RBMS1: variants seen among roughly 807,000 people sequenced by gnomAD.
RBMS1 encodes the protein RNA-binding motif, single-stranded-interacting protein 1.
In RBMS1, 17 loss-of-function variants were observed where a neutral mutation model predicts 62.3. The observed-to-expected ratio is 0.27, with a 90% CI of 0.19 to 0.41. RBMS1 has a LOEUF of 0.41. Among genes scored for constraint, RBMS1 ranks in the 10% least tolerant of loss-of-function variants. RBMS1 has a pLI of 1.00. For missense variants in RBMS1, 334 were observed against 504.5 expected (o/e 0.66, Z 3.24); for synonymous variants, 172 against 170.0 (o/e 1.01, Z -0.09).
chr2:160,439,400 C>T (rs1406323762), intron 1 of RBMS1, among the ~76,000 whole-genome samples: 3 of 150,930 alleles, frequency 2.0e-5, no homozygotes, highest in Admixed American at 2.0e-4. Context: ...GCAGAGACGC[C>T]CCTCACATCC....
intron 2 of RBMS1, among the ~76,000 whole-genome samples, chr2:160,361,279 C>T (rs940988289): frequency 6.6e-6 from 1 of 152,178 alleles, no homozygotes; most frequent in African/African-American, 2.4e-5. Flanking sequence ...CCGGCCTTGG[C>T]CAACAGAGAC....
intron 1 of RBMS1, chr2:160,407,690 C>G (rs1267238300): frequency 2.0e-6 from 2 of 981,830 alleles, no homozygotes; most frequent in African/African-American, 3.5e-5. Flanking sequence ...GGGGCTGCAG[C>G]TCCGCGCTGA....
chr2:160,309,852 A>G (rs974258763), intron 4 of RBMS1, among the ~76,000 whole-genome samples: 1 of 152,208 alleles, frequency 6.6e-6, no homozygotes, highest in Non-Finnish European at 1.5e-5. Context: ...GGAAATAGGA[A>G]AGAAATGAAT....
At chr2:160,327,775 C>T (rs572286428) in intron 2 of RBMS1, among the ~76,000 whole-genome samples, 1 of 152,090 alleles carries the variant, frequency 6.6e-6, no homozygotes, top group Admixed American at 6.6e-5. Context: ...CAGAATTTTG[C>T]AAGTAAAATG....
At chr2:160,428,679 T>C (rs1376513518) in intron 1 of RBMS1, among the ~76,000 whole-genome samples, 2 of 152,182 alleles carry the variant, frequency 1.3e-5, no homozygotes, top group African/African-American at 4.8e-5. Context: ...GAATGTCTTT[T>C]AGCATCACAG....
intron 10 of RBMS1, chr2:160,279,537 T>C (rs892739748): frequency 6.6e-6 from 1 of 152,208 alleles, no homozygotes; most frequent in Admixed American, 6.5e-5. Flanking sequence ...TCTAACCATT[T>C]ACCTAGCTTG....
chr2:160,301,942 T>C (rs546085435), intron 5 of RBMS1, among the ~76,000 whole-genome samples: 88 of 152,342 alleles, frequency 5.8e-4, no homozygotes, highest in African/African-American at 2.0e-3. Context: ...AAAATCAAAG[T>C]CATTACTTTA....
intron 12 of RBMS1, among the ~76,000 whole-genome samples, chr2:160,276,857 G>C (rs548317243): frequency 6.6e-6 from 1 of 152,228 alleles, no homozygotes; most frequent in South Asian, 2.1e-4. Flanking sequence ...ACGTCCGAGG[G>C]GTATGAAAGG....
At chr2:160,339,421 T>C (rs1691746515) in intron 2 of RBMS1, among the ~76,000 whole-genome samples, 1 of 152,192 alleles carries the variant, frequency 6.6e-6, no homozygotes, top group South Asian at 2.1e-4. Context: ...TTACTCGTTT[T>C]TCCTGTGTTT....
intron 1 of RBMS1, chr2:160,407,773 G>A (rs1220112728): frequency 1.9e-5 from 19 of 981,190 alleles, no homozygotes; most frequent in Non-Finnish European, 2.3e-5. Context: ...CGAGCAGCTC[G>A]GGCAGCCGCC....
chr2:160,317,353 A>G (rs568640482), intron 3 of RBMS1, among the ~76,000 whole-genome samples: 17 of 152,252 alleles, frequency 1.1e-4, no homozygotes, highest in South Asian at 1.0e-3. Flanking sequence ...TTCTCTGCCT[A>G]TTCCTGTCAA....
intron 1 of RBMS1, among the ~76,000 whole-genome samples, chr2:160,447,450 T>C (rs911150076): frequency 6.6e-6 from 1 of 152,254 alleles, no homozygotes; most frequent in Non-Finnish European, 1.5e-5. Flanking sequence ...CGTGAAAGTC[T>C]ATGCTTACTG....
chr2:160,468,231 C>G (rs1684772810), intron 1 of RBMS1, among the ~76,000 whole-genome samples: 1 of 152,172 alleles, frequency 6.6e-6, no homozygotes, highest in African/African-American at 2.4e-5. Context: ...GTCTGGGTCA[C>G]TCAACAAATA....
intron 2 of RBMS1, among the ~76,000 whole-genome samples, chr2:160,324,324 G>A (rs886597271): frequency 6.6e-6 from 1 of 152,146 alleles, no homozygotes; most frequent in African/African-American, 2.4e-5. Context: ...AAGAGTCCAG[G>A]TTATAAGCCA....
Position 160,393,514 on chromosome 2 carries a change from A to G in RBMS1, c.76-26123T>C, listed in dbSNP as rs573350703. On this transcript the variant is annotated intron_variant, in intron 1 of 13. Coordinates refer to ENST00000348849, the MANE Select transcript of RBMS1 (RefSeq NM_016836.4). ...CCAAGCTGGCCGGGCGCGGTGGCTCACACCTGTAATCCTAGCAACTTTGGG... is the reference window on the plus strand; with the variant it reads ...CCAAGCTGGCCGGGCGCGGTGGCTCGCACCTGTAATCCTAGCAACTTTGGG... Among the ~76,000 whole-genome samples the G allele has an allele frequency of 2.6e-5, 4 of 152,310 alleles. No homozygotes were observed. The South Asian group carries it at 8.3e-4, about 32-fold the overall frequency.
chr2:160,327,305 C>T (rs1573867541), intron 2 of RBMS1, among the ~76,000 whole-genome samples: 1 of 152,130 alleles, frequency 6.6e-6, no homozygotes, highest in Non-Finnish European at 1.5e-5. Context: ...TACCAACATG[C>T]CTGGGTGAAT....
chr2:160,342,741 A>C (rs1212487940), intron 2 of RBMS1, among the ~76,000 whole-genome samples: 1 of 148,866 alleles, frequency 6.7e-6, no homozygotes, highest in African/African-American at 2.5e-5. Flanking sequence ...ACATGGTGAA[A>C]TCCCATCTCT....
intron 1 of RBMS1, among the ~76,000 whole-genome samples, chr2:160,460,899 G>A (rs1035960895): frequency 2.6e-5 from 4 of 152,182 alleles, no homozygotes; most frequent in African/African-American, 9.6e-5. Flanking sequence ...TGTCATCTCC[G>A]TCCTTCATCT....
rs537231056 is a variant in RBMS1, at chr2:160,360,664, T to C, written c.251+6552A>G. Among the ~76,000 whole-genome samples, 349 of 152,326 alleles carry C rather than the reference T, an allele frequency of 2.3e-3. 1 individual carries two copies. Among genetic ancestry groups the C allele is most frequent in the African/African-American group, 8.0e-3 (332 of 41,582 alleles). On this transcript the variant is annotated intron_variant, in intron 2 of 13. Transcript: ENST00000348849. Reference sequence around the variant, plus strand: ...GGTTCTCACACCTCTTGGGCACTTCTTGATGCCTGGAGGATACTATTGCTT... The same window carrying C: ...GGTTCTCACACCTCTTGGGCACTTCCTGATGCCTGGAGGATACTATTGCTT...
Sources: allele counts gnomAD v4.1 joint callset (sites outside exome capture counted in the v4.1 genomes callset), GRCh38; gene constraint gnomAD v4.1.1; transcripts MANE v1.5; gene names NCBI Gene and HGNC (gene_info 2026-07-23, HGNC 2026-07-21).